The following GREB1 variants were observed in gnomAD, a reference collection of about 807,000 sequenced individuals.
The protein encoded by GREB1 is growth regulating estrogen receptor binding 1.
A neutral mutation model predicts 200.7 loss-of-function variants in GREB1; 106 were observed. The observed-to-expected ratio is 0.53, with a 90% CI of 0.45 to 0.62. The LOEUF (loss-of-function observed/expected upper bound fraction) is 0.62. GREB1 is among the 20% of genes least tolerant of loss of function. GREB1 has a pLI of 0.00. For synonymous variants in GREB1, 1,132 were observed against 1,092.4 expected (o/e 1.04, Z -0.72); for missense variants, 2,243 against 2,556.8 (o/e 0.88, Z 2.65).
chr2:11,584,345 G>A (rs1163803875), intron 7 of GREB1, among the ~76,000 whole-genome samples: 2 of 152,188 alleles, frequency 1.3e-5, no homozygotes, highest in African/African-American at 4.8e-5. Context: ...ACTCATTGGA[G>A]TGGATGCGCT....
chr2:11,534,433 T>A (rs1674197159), intron 1 of GREB1, among the ~76,000 whole-genome samples, 179 bp downstream of exon 1: 1 of 152,214 alleles, frequency 6.6e-6, no homozygotes, highest in Non-Finnish European at 1.5e-5. Flanking sequence ...AATCTGTCCG[T>A]ACAAATTTGC....
At chr2:11,513,794 T>C (rs2148455110) in intron 1 of GREB1, among the ~76,000 whole-genome samples, 1 of 152,308 alleles carries the variant, frequency 6.6e-6, no homozygotes, top group Non-Finnish European at 1.5e-5. Context: ...GATATTGCCA[T>C]ATTGGCTGGA....
In GREB1 at chr2:11,632,253, C is replaced by A; in HGVS notation, c.4816+140C>A. The A allele has an allele frequency of 6.5e-6, 4 of 615,490 alleles. No individual in the cohort carries two copies. In the East Asian group the frequency reaches 1.1e-4, roughly 17 times the overall value. 38.1% of individuals were successfully genotyped at this position (615,490 alleles called of 1,614,324 possible). On this transcript the variant is annotated intron_variant, in intron 27 of 32. Coordinates refer to ENST00000381486, the MANE Select transcript of GREB1 (RefSeq NM_014668.4). ...TTAAAGCTATTTTCATTTTGTCTGA[C>A]TTTTTTATGCAGTCTTCCCCCGCTA...
chr2:11,626,790 T>G (rs1684496389), intron 24 of GREB1, among the ~76,000 whole-genome samples, 172 bp from the exon 25 acceptor site: 1 of 152,200 alleles, frequency 6.6e-6, no homozygotes, highest in Non-Finnish European at 1.5e-5. Flanking sequence ...CTTCGTTGTC[T>G]CCTTTGACCA....
intron 4 of GREB1, among the ~76,000 whole-genome samples, chr2:11,571,621 C>A (rs1167350861): frequency 6.6e-6 from 1 of 152,256 alleles, no homozygotes; most frequent in Non-Finnish European, 1.5e-5. Flanking sequence ...CTGCCTCAAT[C>A]ATGGGATTAT....
At position 11,548,200 on chromosome 2, in the gene GREB1, A is replaced by T. The variant is rs1675470351; in HGVS notation, c.-161-8254A>T. Among the ~76,000 whole-genome samples the T allele has an allele frequency of 6.6e-6, 1 of 151,660 alleles. No individual in the cohort carries two copies. Among genetic ancestry groups the T allele is most frequent in the African/African-American group, 2.4e-5 (1 of 41,332 alleles). ...CCAAAAAAAAAAAAACCCACCACACATTCTCACATGCACACAGCCAGACAT... is the reference window on the plus strand; with the variant it reads ...CCAAAAAAAAAAAAACCCACCACACTTTCTCACATGCACACAGCCAGACAT... On this transcript the variant is annotated intron_variant, in intron 1 of 32. Transcript: ENST00000381486. This position sits in a 1 kb window ranked among gnomAD's most constrained non-coding sequence, Gnocchi z 5.1.
At chr2:11,518,771 C>T (rs1673600908) in intron 1 of GREB1, among the ~76,000 whole-genome samples, 1 of 150,722 alleles carries the variant, frequency 6.6e-6, no homozygotes. Context: ...AGAAAAAGCG[C>T]ATATGCATAA....
At position 11,596,151 on chromosome 2, in the gene GREB1, A is replaced by G; in HGVS notation, c.1866A>G (p.Glu622=). 1.9e-6 allele frequency: 3 copies of G among 1,613,796 alleles called. No individual in the cohort carries two copies. The highest frequency in any genetic ancestry group is 2.5e-6 in the Non-Finnish European group (3 of 1,179,694). The part of the protein sequence containing the change: ...IDILLDKFHQ[E]NQGHISSSLA... ...TTTTGCTGGACAAATTTCACCAGGAAAATCAAGGCCATATTTCTTCCTCAC... is the reference window on the plus strand; with the variant it reads ...TTTTGCTGGACAAATTTCACCAGGAGAATCAAGGCCATATTTCTTCCTCAC... Residue 622 remains glutamate, a synonymous_variant, in exon 13 of 33, where the codon GAA becomes GAG. Transcript: ENST00000381486.
At chr2:11,537,964 C>T (rs1674376367) in intron 1 of GREB1, among the ~76,000 whole-genome samples, 1 of 152,020 alleles carries the variant, frequency 6.6e-6, no homozygotes, top group Non-Finnish European at 1.5e-5. Flanking sequence ...TTATTGCAGG[C>T]TGTGTTAAGT....
At chr2:11,615,342 G>A (rs1217342142) in intron 20 of GREB1, 52 bp downstream of exon 20, 3 of 1,472,212 alleles carry the variant, frequency 2.0e-6, no homozygotes, top group African/African-American at 2.8e-5. Context: ...TGTCTTTCTT[G>A]GCTTCTGAGC....
At position 11,585,216 on chromosome 2, in the gene GREB1, A is replaced by G. The variant is rs749415898; in HGVS notation, c.957A>G (p.Glu319=). 6.3e-6 allele frequency: 10 copies of G among 1,586,878 alleles called. No individual in the cohort carries two copies. Among genetic ancestry groups the G allele is most frequent in the Admixed American group, 1.9e-5 (1 of 53,268 alleles). The part of the protein sequence containing the change: ...PKKRHKGWSP[E]SPSAPDGGCP... ...AACGCCACAAAGGGTGGTCTCCAGAATCTCCATCAGCTCCAGATGGTGGCT... is the reference window on the plus strand; with the variant it reads ...AACGCCACAAAGGGTGGTCTCCAGAGTCTCCATCAGCTCCAGATGGTGGCT... The change falls in exon 8 of 33, where the codon GAA becomes GAG. Residue 319 remains glutamate (E), a synonymous_variant. Coordinates refer to ENST00000381486, the MANE Select transcript of GREB1 (RefSeq NM_014668.4).
intron 3 of GREB1, among the ~76,000 whole-genome samples, chr2:11,565,893 T>C (rs1242291636): frequency 2.0e-5 from 3 of 152,212 alleles, no homozygotes; most frequent in Admixed American, 1.3e-4. Context: ...TTATCTTGTT[T>C]ATGTTTCCGT....
In GREB1 at chr2:11,548,225, T is replaced by C. The variant is rs748407822; in HGVS notation, c.-161-8229T>C. On this transcript the variant is annotated intron_variant, in intron 1 of 32. Coordinates refer to ENST00000381486, the MANE Select transcript of GREB1 (RefSeq NM_014668.4). This position sits in a 1 kb window ranked among gnomAD's most constrained non-coding sequence, Gnocchi z 5.1. ...ATTCTCACATGCACACAGCCAGACA[T>C]GTGCACACATGTGCACATACCCAAA... 1.3e-5 allele frequency among the ~76,000 whole-genome samples: 2 copies of C among 150,350 alleles called. No homozygotes were observed. Among genetic ancestry groups the C allele is most frequent in the East Asian group, 3.9e-4 (2 of 5,126 alleles).
At chr2:11,609,662 T>A (rs1222906307) in intron 17 of GREB1, among the ~76,000 whole-genome samples, 2 of 152,152 alleles carry the variant, frequency 1.3e-5, no homozygotes, top group Non-Finnish European at 2.9e-5. Context: ...TTCCAGCTTA[T>A]GTGACCTGCG....
chr2:11,616,760 G>A, intron 21 of GREB1, 40 bp downstream of exon 21: 2 of 1,231,172 alleles, frequency 1.6e-6, no homozygotes, highest in Non-Finnish European at 2.4e-6. Flanking sequence ...CCAGCAGACT[G>A]ATTTTTGAGG....
In GREB1 at chr2:11,629,697, A is replaced by T. The variant is rs992328956; in HGVS notation, c.4450-251A>T. Among the ~76,000 whole-genome samples the T allele has an allele frequency of 1.3e-5, 2 of 152,190 alleles. No individual in the cohort carries two copies. The highest frequency in any genetic ancestry group is 4.8e-5 in the African/African-American group (2 of 41,450). ...AGAAAGCTTGATGCCTGCTTGGCACAGCAGGGTGAGGCCCCATGCGGACTG... is the reference window on the plus strand; with the variant it reads ...AGAAAGCTTGATGCCTGCTTGGCACTGCAGGGTGAGGCCCCATGCGGACTG... On this transcript the variant is annotated intron_variant, in intron 25 of 32. Coordinates refer to ENST00000381486, the MANE Select transcript of GREB1 (RefSeq NM_014668.4). The surrounding 1 kb of genome is among the most constrained non-coding windows in gnomAD (Gnocchi z 5.2).
rs977734422 is a variant in GREB1 at position 11,638,697 on chromosome 2, G to A, written c.5574G>A (p.Arg1858=). ...SQISVCYVSS[R]PHSLNISCSD... ...TTTCTGTTTGCTATGTGAGCTCCAG[G>A]CCCCACTCTTTAAACATCAGCTGCT... The change falls in exon 32 of 33, where the codon AGG becomes AGA. Residue 1858 remains arginine, a synonymous_variant. Coordinates refer to ENST00000381486, the MANE Select transcript of GREB1 (RefSeq NM_014668.4). 1.2e-6 allele frequency: 2 copies of A among 1,613,912 alleles called. No homozygotes were observed. Among genetic ancestry groups the A allele is most frequent in the Non-Finnish European group, 1.7e-6 (2 of 1,179,960 alleles).
chr2:11,584,033 A>G (rs6724078), intron 7 of GREB1, among the ~76,000 whole-genome samples: 28,873 of 151,898 alleles, frequency 0.19, 3,499 homozygotes, highest in African/African-American at 0.35. Flanking sequence ...TCTGATTGGT[A>G]TTTCTCCACC....
intron 26 of GREB1, among the ~76,000 whole-genome samples, chr2:11,630,569 C>T (rs1684802348): frequency 6.6e-6 from 1 of 152,178 alleles, no homozygotes; most frequent in African/African-American, 2.4e-5. Flanking sequence ...ATTACCAACT[C>T]CAGCAATTGC....
Sources: gnomAD v4.1 joint callset for allele counts (sites outside exome capture counted in the v4.1 genomes callset) on GRCh38, gnomAD v4.1.1 for gene constraint, Gnocchi (gnomAD v3.1) non-coding constraint, MANE v1.5 for transcripts, NCBI Gene and HGNC (gene_info 2026-07-23, HGNC 2026-07-21) for gene names.